The following TACR1 variants were observed in gnomAD, a reference collection of about 807,000 sequenced individuals.
TACR1 encodes the protein substance-P receptor.
Under a neutral mutation model 35.8 loss-of-function variants are expected in TACR1, and 25 were observed. That is an observed-to-expected ratio of 0.70 (90% CI 0.51 to 0.98). The LOEUF is 0.98. Ranked by LOEUF, TACR1 falls within the 50% of genes least tolerant of loss-of-function variation. The pLI is 0.00. For synonymous variants in TACR1, 195 were observed against 206.7 expected, an observed-to-expected ratio of 0.94 and a Z score of 0.48; for missense variants, 478 against 522.9, an observed-to-expected ratio of 0.91 and a Z score of 0.84.
intron 1 of TACR1, among the ~76,000 whole-genome samples, chr2:75,168,741 A>G (rs915705658): frequency 2.0e-5 from 3 of 152,222 alleles, no homozygotes; most frequent in Admixed American, 2.0e-4. Flanking sequence ...CTGATTTGCT[A>G]TCAGTAATTA....
intron 2 of TACR1, 22 bp downstream of exon 2, chr2:75,120,552 A>G (rs1263353293): frequency 1.3e-6 from 2 of 1,569,954 alleles, no homozygotes; most frequent in Non-Finnish European, 1.7e-6. Flanking sequence ...TTTCTTTGGC[A>G]TGGGGAGTCA....
chr2:75,117,008 T>A (rs1249926920), intron 2 of TACR1, among the ~76,000 whole-genome samples: 2 of 152,210 alleles, frequency 1.3e-5, no homozygotes, highest in African/African-American at 4.8e-5. Flanking sequence ...CTTAGTTTTG[T>A]CAGATTTCTT....
intron 1 of TACR1, among the ~76,000 whole-genome samples, chr2:75,124,862 C>A (rs764232953): frequency 6.6e-6 from 1 of 152,218 alleles, no homozygotes; most frequent in Non-Finnish European, 1.5e-5. Flanking sequence ...TTCAGAAACA[C>A]TCTTTACCTT....
At chr2:75,069,117 C>G (rs62148939) in intron 2 of TACR1, among the ~76,000 whole-genome samples, 3,812 of 152,204 alleles carry the variant, frequency 0.025, 66 homozygotes, top group Non-Finnish European at 0.038. Flanking sequence ...TTCCCCTGCA[C>G]CAGCTCTCTT....
chr2:75,102,251 C>T (rs1673545663), intron 2 of TACR1, among the ~76,000 whole-genome samples: 1 of 152,166 alleles, frequency 6.6e-6, no homozygotes, highest in African/African-American at 2.4e-5. Flanking sequence ...TAGGTGACTG[C>T]AGACATATGA....
At chr2:75,093,508 C>T (rs1021574169) in intron 2 of TACR1, among the ~76,000 whole-genome samples, 5 of 152,226 alleles carry the variant, frequency 3.3e-5, no homozygotes, top group African/African-American at 4.8e-5. Context: ...ACTAATGAAA[C>T]GTTATGGGTG....
In TACR1 at chr2:75,077,195, C is replaced by T. The variant is rs368602433; in HGVS notation, c.585-23440G>A. Among the ~76,000 whole-genome samples the T allele has an allele frequency of 3.9e-5, 6 of 152,240 alleles. No individual in the cohort carries two copies. The South Asian group carries it at 1.0e-3, about 26-fold the overall frequency. ...ATGTTGGTCAGGCTGGTCTCGAATT[C>T]CTGACCTCAGGTGACCCACCCACCT... On this transcript the variant is annotated intron_variant, in intron 2 of 4. Coordinates refer to ENST00000305249, the MANE Select transcript of TACR1 (RefSeq NM_001058.4).
intron 2 of TACR1, among the ~76,000 whole-genome samples, chr2:75,117,647 T>C (rs1180916289): frequency 6.6e-6 from 1 of 152,188 alleles, no homozygotes; most frequent in South Asian, 2.1e-4. Context: ...CCATCATAAA[T>C]TGAAAATATT....
At chr2:75,090,814 G>A (rs1489655290) in intron 2 of TACR1, 1 of 153,932 alleles carries the variant, frequency 6.5e-6, no homozygotes, top group Non-Finnish European at 1.5e-5. Context: ...CATCCTCTCT[G>A]AAGAGTAGAG....
chr2:75,185,911 A>AC (rs1248253989), intron 1 of TACR1, among the ~76,000 whole-genome samples: 2 of 152,028 alleles, frequency 1.3e-5, no homozygotes, highest in African/African-American at 2.4e-5. Context: ...ATCTCAAAAC[A>AC]CCCCCCAGGG....
intron 4 of TACR1, 142 bp downstream of exon 4, chr2:75,051,109 T>C: frequency 9.8e-7 from 1 of 1,024,444 alleles, no homozygotes; most frequent in Non-Finnish European, 1.5e-6. Context: ...CAGGCTGAGT[T>C]GTGTGATGAT....
In TACR1 at chr2:75,053,165, G is replaced by A. The variant is rs563634875; in HGVS notation, c.735+440C>T. Among the ~76,000 whole-genome samples, 171 of 152,034 alleles carry A rather than the reference G, an allele frequency of 1.1e-3. 3 individuals carry two copies. The highest frequency in any genetic ancestry group is 1.1e-3 in the Non-Finnish European group (77 of 68,010). ...TGCAAAGAAACTCACTCACGCTCTCGCTTTGTAGGCCACTCCTCCCAAGCC... is the reference window on the plus strand; with the variant it reads ...TGCAAAGAAACTCACTCACGCTCTCACTTTGTAGGCCACTCCTCCCAAGCC... On this transcript the variant is annotated intron_variant, in intron 3 of 4. Coordinates refer to ENST00000305249, the MANE Select transcript of TACR1 (RefSeq NM_001058.4).
At chr2:75,114,721 C>T (rs78069495) in intron 2 of TACR1, among the ~76,000 whole-genome samples, 3,855 of 152,308 alleles carry the variant, frequency 0.025, 69 homozygotes, top group South Asian at 0.049. Context: ...AAATCTTTAT[C>T]ACCTGTCAGT....
At chr2:75,053,116 C>T (rs1454617095) in intron 3 of TACR1, among the ~76,000 whole-genome samples, 3 of 152,142 alleles carry the variant, frequency 2.0e-5, no homozygotes, top group Non-Finnish European at 4.4e-5. Flanking sequence ...CCACCACAGT[C>T]AGGATACAGA....
At chr2:75,160,371 T>A (rs1024500331) in intron 1 of TACR1, among the ~76,000 whole-genome samples, 9 of 152,192 alleles carry the variant, frequency 5.9e-5, no homozygotes, top group African/African-American at 2.2e-4. Context: ...AATCTTTGTT[T>A]GATTTATTTG....
intron 2 of TACR1, among the ~76,000 whole-genome samples, chr2:75,111,951 A>T (rs114546244): frequency 0.024 from 3,595 of 152,054 alleles, 140 homozygotes; most frequent in African/African-American, 0.083. Flanking sequence ...TTTAAAAAAA[A>T]TTTAAAAAGG....
intron 2 of TACR1, among the ~76,000 whole-genome samples, chr2:75,100,771 T>G (rs183840542): frequency 1.3e-5 from 2 of 152,342 alleles, no homozygotes; most frequent in East Asian, 1.9e-4. Context: ...GAGCCATAGC[T>G]CTCTCATTGT....
intron 2 of TACR1, among the ~76,000 whole-genome samples, chr2:75,091,995 G>A (rs1673322007): frequency 6.6e-6 from 1 of 152,200 alleles, no homozygotes; most frequent in South Asian, 2.1e-4. Flanking sequence ...CAAAGATTGT[G>A]AGGAGAACTT....
chr2:75,078,606 T>A (rs189983444), intron 2 of TACR1, among the ~76,000 whole-genome samples: 459 of 152,324 alleles, frequency 3.0e-3, no homozygotes, highest in African/African-American at 0.01. Context: ...ATGTTCCACC[T>A]GAACCTACTC....
Sources: gnomAD v4.1 joint callset for allele counts (sites outside exome capture counted in the v4.1 genomes callset) on GRCh38, gnomAD v4.1.1 for gene constraint, MANE v1.5 for transcripts, NCBI Gene and HGNC (gene_info 2026-07-23, HGNC 2026-07-21) for gene names.